ADGRE3: variants seen among roughly 807,000 people sequenced by gnomAD.
ADGRE3 encodes the protein EGF-like module receptor 3.
A neutral mutation model predicts 80.1 loss-of-function variants in ADGRE3; 88 were observed. That is an observed-to-expected ratio of 1.10 (90% CI 0.93 to 1.31). The LOEUF is 1.31. ADGRE3 is among the 40% of genes most tolerant of loss of function. The pLI, the probability that ADGRE3 is intolerant of heterozygous loss-of-function variation, is 0.00. For synonymous variants in ADGRE3, 281 were observed against 294.8 expected (o/e 0.95, Z 0.48); for missense variants, 715 against 776.5 (o/e 0.92, Z 0.94).
In ADGRE3 at chr19:14,638,340, C is replaced by T. The variant is rs777745398; in HGVS notation, c.1249G>A (p.Val417Met). 4.3e-6 allele frequency: 7 copies of T among 1,612,936 alleles called. No homozygotes were observed. The highest frequency in any genetic ancestry group is 4.2e-6 in the Non-Finnish European group (5 of 1,179,000). Residue 417 changes from valine (V) to methionine (M), a missense_variant and splice_region_variant, in exon 11 of 16, where the codon GTG becomes ATG. By Grantham distance (21) the Val-to-Met change is conservative (BLOSUM62 1). Transcript: ENST00000253673. The part of the protein sequence containing the change: ...LVGIDRTEPK[V>M]LCSIIAGALH... ...GCACCGGCGATGATGGAGCACAGCA[C>T]CTGGGGGAGGAGAAAGGGATGCCTG...
At chr19:14,630,348 A>T in intron 13 of ADGRE3, 141 bp from the exon 14 acceptor site, 1 of 511,094 alleles carries the variant, frequency 2.0e-6, no homozygotes, top group Non-Finnish European at 3.2e-6. Context: ...TACCTGTGTG[A>T]TCTTGTGAAA....
rs1971151681 is a variant in ADGRE3, at chr19:14,638,172, C to T, written c.1417G>A (p.Gly473Ser). ...MKWIMFPVGY[G>S]VPAVTVAISA... ...ATGGCCACAGTCACAGCGGGAACGC[C>T]ATAGCCGACTGGGAACATGATCCAC... The change falls in exon 11 of 16, where the codon GGC becomes AGC. Residue 473 changes from glycine to serine, a missense_variant. Transcript: ENST00000253673. 2.5e-6 allele frequency: 4 copies of T among 1,614,112 alleles called. 1 individual carries two copies. In the Middle Eastern group the frequency reaches 4.9e-4, roughly 200 times the overall value.
At chr19:14,607,453 T>C in the ADGRE3 span, among the ~76,000 whole-genome samples, 2 of 151,918 alleles carry the variant, frequency 1.3e-5, no homozygotes, top group Non-Finnish European at 2.9e-5. Context: ...TCTGCCCGCC[T>C]TGGCCTCCCA....
In ADGRE3 at chr19:14,668,811, T is replaced by C; in HGVS notation, c.67A>G (p.Lys23Glu). Residue 23 changes from lysine to glutamate, a missense_variant, in exon 2 of 16, where the codon AAA becomes GAA. Coordinates refer to ENST00000253673, the MANE Select transcript of ADGRE3 (RefSeq NM_032571.5). ...LLSLFGAVTQ[K>E]TKTSCAKCPP... The stretch of plus-strand genomic sequence containing the variant: ...GGCTCTGAGCACTCACTTTTGGTTT[T>C]CTGAGTCACAGCTCCAAAGAGGCTC... 6.2e-7 allele frequency: 1 copy of C among 1,614,100 alleles called. No homozygotes were observed. The highest frequency in any genetic ancestry group is 1.1e-5 in the South Asian group (1 of 91,070).
downstream of ADGRE3, among the ~76,000 whole-genome samples, chr19:14,615,197 GCCTT>G (rs1164473066): frequency 2.3e-5 from 3 of 129,366 alleles, no homozygotes; most frequent in Non-Finnish European, 4.8e-5. Context: ...TTCTACAGCT[GCCTT>G]CTTTTTTTTT....
intron 13 of ADGRE3, among the ~76,000 whole-genome samples, chr19:14,631,879 TAGC>T (rs1970890133): frequency 2.0e-5 from 3 of 152,102 alleles, no homozygotes; most frequent in African/African-American, 7.2e-5. Flanking sequence ...GAAGTGGAAG[TAGC>T]AGGAAGAGGG....
intron 1 of ADGRE3, among the ~76,000 whole-genome samples, chr19:14,673,439 T>C (rs1972309591): frequency 6.6e-6 from 1 of 152,306 alleles, no homozygotes; most frequent in Middle Eastern, 3.4e-3. Context: ...CGTACAGAGA[T>C]GGTGGTTGAA....
chr19:14,633,066 C>G (rs1332458871), intron 12 of ADGRE3, 54 bp from the exon 13 acceptor site: 2 of 1,446,214 alleles, frequency 1.4e-6, no homozygotes. Context: ...TGTATGGTGT[C>G]CACTTTAAAT....
At chr19:14,606,945 GA>G in the ADGRE3 span, 2 of 1,043,832 alleles carry the variant, frequency 1.9e-6, no homozygotes, top group African/African-American at 1.6e-5. Context: ...TCCTCACCCT[GA>G]GGGTCATGTA....
intron 5 of ADGRE3, among the ~76,000 whole-genome samples, chr19:14,657,056 C>T (rs1056947649): frequency 1.1e-4 from 17 of 151,964 alleles, no homozygotes; most frequent in Admixed American, 3.3e-4. Flanking sequence ...CCCCCATGCC[C>T]GGCTAATTTT....
chr19:14,661,985 A>G lies in ADGRE3; in HGVS notation c.333T>C (p.Asn111=), dbSNP rs142306281. The change falls in exon 4 of 16, where the codon AAT becomes AAC. Residue 111 remains asparagine, a synonymous_variant. Transcript: ENST00000253673. The part of the protein sequence containing the change: ...RLHSGNEQFS[N]SNENTCQDTT... ...TACCCTGACAGGTGTTCTCATTGGA[A>G]TTACTGAATTGTTCATTCCCAGAAT... The G allele has an allele frequency of 3.9e-4, 634 of 1,614,218 alleles. 2 individuals carry two copies. In the African/African-American group the frequency reaches 4.4e-3, roughly 11 times the overall value.
chr19:14,616,166 T>A (rs2075074365), downstream of ADGRE3, among the ~76,000 whole-genome samples: 1 of 151,830 alleles, frequency 6.6e-6, no homozygotes, highest in Non-Finnish European at 1.5e-5. Flanking sequence ...TCCTGACCTC[T>A]GCCCTTGTGA....
intron 7 of ADGRE3, among the ~76,000 whole-genome samples, chr19:14,650,331 T>G (rs1190348807): frequency 6.7e-6 from 1 of 150,176 alleles, no homozygotes; most frequent in African/African-American, 2.5e-5. Flanking sequence ...TCTCTTTCCA[T>G]CTCTTTCCCT....
At chr19:14,628,668 C>A in intron 14 of ADGRE3, 4 of 377,300 alleles carry the variant, frequency 1.1e-5, no homozygotes, top group South Asian at 6.8e-5. Flanking sequence ...CACTGCTGTT[C>A]CATGGTTTGA....
At chr19:14,640,865 C>T (rs555113747) in intron 10 of ADGRE3, among the ~76,000 whole-genome samples, 17 of 152,150 alleles carry the variant, frequency 1.1e-4, no homozygotes, top group Non-Finnish European at 2.1e-4. Flanking sequence ...TTTTCTCTTG[C>T]AGCCACCATG....
chr19:14,658,512 C>T lies in ADGRE3; in HGVS notation c.393+1G>A, dbSNP rs747541303. 12 of 1,563,736 alleles carry T rather than the reference C, an allele frequency of 7.7e-6. No homozygotes were observed. The highest frequency in any genetic ancestry group is 3.5e-5 in the South Asian group (3 of 84,726). The stretch of plus-strand genomic sequence containing the variant: ...GGGTCTGGGGATCAGCCTCCACTCA[C>T]CTCTTTCCTGCCCTCGGTTGTCTTT... On this transcript the variant is annotated splice_donor_variant, in intron 5 of 15. Coordinates refer to ENST00000253673, the MANE Select transcript of ADGRE3 (RefSeq NM_032571.5). LOFTEE classifies it high-confidence loss of function.
In ADGRE3 at chr19:14,641,692, C is replaced by G. The variant is rs150267748; in HGVS notation, c.1051-76G>C. The G allele has an allele frequency of 1.5e-5, 23 of 1,553,378 alleles. No homozygotes were observed. The African/African-American group carries it at 2.7e-4, about 18-fold the overall frequency. ...TGGCTCCCTCCTTGAACTGGGGCAT[C>G]CTAGACACAGGCACCAAGCCCAGTG... is the stretch of plus-strand genomic sequence containing the variant. On this transcript the variant is annotated intron_variant, in intron 9 of 15. Transcript: ENST00000253673.
At position 14,620,535 on chromosome 19, in the gene ADGRE3, T is replaced by TAA. The variant is rs1491197917; in HGVS notation, c.1921-1065_1921-1064insTT. ...TTATGACTATATATGAATATATATA[T>TAA]TTTATATATATATTATATATATATA... On this transcript the variant is annotated intron_variant, in intron 15 of 15. Coordinates refer to ENST00000253673, the MANE Select transcript of ADGRE3 (RefSeq NM_032571.5). 9.6e-3 allele frequency among the ~76,000 whole-genome samples: 162 copies of TAA among 16,822 alleles called. 4 individuals carry two copies. Among genetic ancestry groups the TAA allele is most frequent in the East Asian group, 0.046 (39 of 854 alleles). The allele number at this position is 16,822 out of a possible 152,430, so 11.0% of individuals were successfully genotyped here.
At chr19:14,665,392 G>A (rs1483058317) in intron 2 of ADGRE3, among the ~76,000 whole-genome samples, 1 of 152,026 alleles carries the variant, frequency 6.6e-6, no homozygotes, top group African/African-American at 2.4e-5. Context: ...AGGCATTGCA[G>A]TATTCCATCC....
Sources: allele counts gnomAD v4.1 joint callset (sites outside exome capture counted in the v4.1 genomes callset), GRCh38; gene constraint gnomAD v4.1.1; transcripts MANE v1.5; gene names NCBI Gene and HGNC (gene_info 2026-07-23, HGNC 2026-07-21).